Variants in ATP8B4 observed in about 807,000 individuals in gnomAD.
ATP8B4 encodes the protein ATPase phospholipid transporting 8B4 (putative).
ATP8B4 carries 133 observed loss-of-function variants against 145.6 expected under a neutral mutation model. That is an observed-to-expected ratio of 0.91 (90% CI 0.79 to 1.05). The LOEUF (loss-of-function observed/expected upper bound fraction) is 1.05, where lower values mean the gene tolerates loss of function less well. Ranked by LOEUF, ATP8B4 falls within the 50% of genes least tolerant of loss-of-function variation. The probability of loss-of-function intolerance (pLI) is 0.00; values close to 1 mark genes in which losing one functional copy is unlikely to be tolerated. For synonymous variants in ATP8B4, 507 were observed against 492.9 expected (o/e 1.03, Z -0.38); for missense variants, 1,458 against 1,425.2 (o/e 1.02, Z -0.37).
chr15:49,896,137 G>C (rs2037371395), intron 23 of ATP8B4: 1 of 152,094 alleles, frequency 6.6e-6, no homozygotes, highest in African/African-American at 2.4e-5. Flanking sequence ...GTAGCACTAA[G>C]ATAACTTCTA....
chr15:50,029,255 A>AAAAAAAAAAAAAAAAAAACAAC (rs776952913), intron 6 of ATP8B4, among the ~76,000 whole-genome samples: 25 of 141,256 alleles, frequency 1.8e-4, no homozygotes, highest in African/African-American at 5.1e-5. Flanking sequence ...AAAAAAAAAA[A>AAAAAAAAAAAAAAAAAAACAAC]AACAGAAAAA....
chr15:50,024,605 C>A (rs568203492), intron 6 of ATP8B4, among the ~76,000 whole-genome samples: 1 of 152,170 alleles, frequency 6.6e-6, no homozygotes, highest in Non-Finnish European at 1.5e-5. Context: ...CAGAAAGTGC[C>A]GCTGCAAGGG....
intron 1 of ATP8B4, among the ~76,000 whole-genome samples, chr15:50,159,855 GTGT>G: frequency 6.6e-6 from 1 of 152,142 alleles, no homozygotes; most frequent in Admixed American, 6.5e-5. Context: ...TCTTTTTAAT[GTGT>G]TGTTGAATTT....
chr15:49,896,199 T>G (rs1019275996), intron 23 of ATP8B4: 3 of 151,976 alleles, frequency 2.0e-5, no homozygotes, highest in Non-Finnish European at 4.4e-5. Flanking sequence ...GTCAAGAGAT[T>G]AACAAAAAAA....
At chr15:49,951,295 G>T (rs1599375799) in intron 14 of ATP8B4, among the ~76,000 whole-genome samples, 1 of 152,238 alleles carries the variant, frequency 6.6e-6, no homozygotes, top group Middle Eastern at 3.4e-3. Flanking sequence ...CTGACAGTGG[G>T]ATGTTAAAGT....
intron 14 of ATP8B4, among the ~76,000 whole-genome samples, chr15:49,950,347 G>T (rs1157791936): frequency 6.6e-6 from 1 of 151,942 alleles, no homozygotes; most frequent in Non-Finnish European, 1.5e-5. Context: ...GCTTGTTATT[G>T]GTCTACTCAA....
chr15:50,118,319 T>G (rs1300799103), intron 1 of ATP8B4, among the ~76,000 whole-genome samples: 3 of 152,156 alleles, frequency 2.0e-5, no homozygotes, highest in African/African-American at 7.2e-5. Context: ...CCCATAAATA[T>G]GTGCAGTTAT....
At chr15:49,905,398 C>T (rs906061310) in intron 20 of ATP8B4, among the ~76,000 whole-genome samples, 1 of 152,134 alleles carries the variant, frequency 6.6e-6, no homozygotes, top group Non-Finnish European at 1.5e-5. Context: ...TTTATGATTT[C>T]AATATTTCAT....
At chr15:49,986,402 A>T (rs1428981261) in intron 10 of ATP8B4, among the ~76,000 whole-genome samples, 1 of 152,198 alleles carries the variant, frequency 6.6e-6, no homozygotes. Context: ...ATATATGATC[A>T]TATGTTTATT....
chr15:49,862,639 T>C (rs2032047441), intron 26 of ATP8B4, among the ~76,000 whole-genome samples: 3 of 152,010 alleles, frequency 2.0e-5, no homozygotes, highest in Non-Finnish European at 2.9e-5. Context: ...TTTGTATTTT[T>C]GGTAGAGGCA....
chr15:50,141,884 A>G (rs898791410), intron 1 of ATP8B4, among the ~76,000 whole-genome samples: 7 of 152,212 alleles, frequency 4.6e-5, no homozygotes, highest in African/African-American at 1.7e-4. Flanking sequence ...CTGAACACAG[A>G]AAGTCTGCAC....
intron 9 of ATP8B4, among the ~76,000 whole-genome samples, chr15:49,992,534 C>A (rs898147110): frequency 1.3e-5 from 2 of 152,134 alleles, no homozygotes; most frequent in Admixed American, 1.3e-4. Flanking sequence ...GAGAGACTTA[C>A]CAGAGACATC....
chr15:50,117,857 G>T (rs2057200328), intron 1 of ATP8B4, among the ~76,000 whole-genome samples: 1 of 152,172 alleles, frequency 6.6e-6, no homozygotes, highest in East Asian at 1.9e-4. Context: ...CAGCAACATG[G>T]ATGGAACTGG....
chr15:50,074,864 C>T (rs998110485), intron 2 of ATP8B4, among the ~76,000 whole-genome samples: 3 of 152,132 alleles, frequency 2.0e-5, no homozygotes, highest in African/African-American at 4.8e-5. Context: ...CCAGAAACAC[C>T]GGCAGAACAA....
intron 1 of ATP8B4, among the ~76,000 whole-genome samples, chr15:50,178,971 G>A (rs2044804765): frequency 1.3e-5 from 2 of 152,070 alleles, no homozygotes; most frequent in African/African-American, 4.8e-5. Flanking sequence ...AAGAAATTCA[G>A]GAATCAAACA....
At chr15:49,959,328 T>C (rs2043857675) in intron 14 of ATP8B4, among the ~76,000 whole-genome samples, 1 of 152,048 alleles carries the variant, frequency 6.6e-6, no homozygotes, top group South Asian at 2.1e-4. Context: ...TAGATGAATA[T>C]TCCAAAAATA....
intron 14 of ATP8B4, among the ~76,000 whole-genome samples, chr15:49,952,896 T>G (rs1337529666): frequency 1.3e-5 from 2 of 152,016 alleles, no homozygotes; most frequent in Non-Finnish European, 1.5e-5. Context: ...GGGGGCCTTT[T>G]GTTGTTGTTG....
At chr15:50,056,000 A>G (rs2052567036) in intron 3 of ATP8B4, among the ~76,000 whole-genome samples, 1 of 152,136 alleles carries the variant, frequency 6.6e-6, no homozygotes, top group Admixed American at 6.5e-5. Context: ...GGGGCAATGG[A>G]AAGACGACAG....
At chr15:49,996,275 G>C (rs2047418499) in intron 9 of ATP8B4, among the ~76,000 whole-genome samples, 1 of 152,124 alleles carries the variant, frequency 6.6e-6, no homozygotes, top group African/African-American at 2.4e-5. Flanking sequence ...TCTTCATGAA[G>C]TTTGAGGTCT....
Sources: allele counts gnomAD v4.1 joint callset (sites outside exome capture counted in the v4.1 genomes callset), GRCh38; gene constraint gnomAD v4.1.1; transcripts MANE v1.5; gene names NCBI Gene and HGNC (gene_info 2026-07-23, HGNC 2026-07-21).